USH2A: variants seen among roughly 807,000 people sequenced by gnomAD.
USH2A encodes the protein Usher syndrome 2A (autosomal recessive, mild).
In USH2A, 443 loss-of-function variants were observed where a neutral mutation model predicts 538.9. The ratio of observed to expected loss-of-function variants is 0.82; its 90% CI spans 0.76 to 0.89. USH2A has a LOEUF of 0.89. Ranked by LOEUF, USH2A falls within the 40% of genes least tolerant of loss-of-function variation. The pLI is 0.00. For missense variants in USH2A, 6,633 were observed against 6,324.8 expected, an observed-to-expected ratio of 1.05 and a Z score of -1.65; for synonymous variants, 2,413 against 2,273.5, an observed-to-expected ratio of 1.06 and a Z score of -1.75.
intron 64 of USH2A, among the ~76,000 whole-genome samples, chr1:215,653,700 A>G (rs1657151369): frequency 6.6e-6 from 1 of 152,190 alleles, no homozygotes; most frequent in Admixed American, 6.5e-5. Context: ...GCTGAGGTAA[A>G]AACGTTCTTT....
At chr1:216,011,252 T>C (rs183429047) in intron 32 of USH2A, among the ~76,000 whole-genome samples, 142 of 151,716 alleles carry the variant, frequency 9.4e-4, no homozygotes, top group Middle Eastern at 6.8e-3. Flanking sequence ...GGATCTCAAA[T>C]ATGCTTTCTT....
intron 4 of USH2A, among the ~76,000 whole-genome samples, chr1:216,337,938 A>G (rs2038004333): frequency 1.3e-5 from 2 of 151,330 alleles, no homozygotes; most frequent in Non-Finnish European, 3.0e-5. Flanking sequence ...GATACCTAGG[A>G]ATAAATTTTA....
chr1:215,735,552 C>T (rs375475805), intron 60 of USH2A, among the ~76,000 whole-genome samples: 3 of 151,946 alleles, frequency 2.0e-5, no homozygotes, highest in Admixed American at 6.6e-5. Context: ...CTTTACTAGA[C>T]CATATGATGT....
chr1:216,381,154 G>A (rs755698521), intron 3 of USH2A, among the ~76,000 whole-genome samples: 2 of 152,068 alleles, frequency 1.3e-5, no homozygotes, highest in South Asian at 2.1e-4. Context: ...ATTGAGATAC[G>A]TACACAAAGA....
intron 11 of USH2A, among the ~76,000 whole-genome samples, chr1:216,267,292 T>G (rs1046461218): frequency 6.6e-6 from 1 of 152,076 alleles, no homozygotes; most frequent in Admixed American, 6.6e-5. Flanking sequence ...CAGAGGTCCT[T>G]GGAGACCTTA....
rs535481515 is a variant in USH2A at position 215,907,827 on chromosome 1, G to A, written c.7301-6922C>T. Among the ~76,000 whole-genome samples, 12 of 152,138 alleles carry A rather than the reference G, an allele frequency of 7.9e-5. No homozygotes were observed. In the East Asian group the frequency reaches 2.1e-3, roughly 27 times the overall value. On this transcript the variant is annotated intron_variant, in intron 38 of 71. Transcript: ENST00000307340. Reference sequence around the variant, plus strand: ...AGGAAAGATCCTATAAAAACTGGATGAATGGATGGATGAATCAATGGTTGG... The same window carrying A: ...AGGAAAGATCCTATAAAAACTGGATAAATGGATGGATGAATCAATGGTTGG...
intron 38 of USH2A, among the ~76,000 whole-genome samples, chr1:215,912,465 A>ATATATATATATATACGTATATATATATG (rs1665815792): frequency 8.4e-5 from 1 of 11,946 alleles, no homozygotes; most frequent in African/African-American, 2.5e-4. Context: ...ATATATATAT[A>ATATATATATATATACGTATATATATATG]TATATATATA....
At chr1:216,209,611 A>T (rs933567286) in intron 15 of USH2A, among the ~76,000 whole-genome samples, 1 of 152,222 alleles carries the variant, frequency 6.6e-6, no homozygotes, top group Non-Finnish European at 1.5e-5. Flanking sequence ...ATTTTAAGAC[A>T]GGATTTCAAG....
rs192566390 is a variant in USH2A at position 216,025,188 on chromosome 1, T to C, written c.6325+21243A>G. On this transcript the variant is annotated intron_variant, in intron 32 of 71. Transcript: ENST00000307340. The stretch of plus-strand genomic sequence containing the variant: ...ATAGTAAGTCACATATGAAAGTAAA[T>C]TGTGAGAGTATTAATAAAATATAAA... Among the ~76,000 whole-genome samples, 265 of 151,968 alleles carry C rather than the reference T, an allele frequency of 1.7e-3. 1 individual carries two copies. The highest frequency in any genetic ancestry group is 3.1e-3 in the Non-Finnish European group (208 of 67,814).
At chr1:216,087,763 T>G (rs549090630) in intron 23 of USH2A, among the ~76,000 whole-genome samples, 62 of 152,304 alleles carry the variant, frequency 4.1e-4, no homozygotes, top group African/African-American at 1.5e-3. Flanking sequence ...CTTCTTATTA[T>G]ATCTTCAATT....
At chr1:216,024,673 A>C (rs10449314) in intron 32 of USH2A, among the ~76,000 whole-genome samples, 92,981 of 151,712 alleles carry the variant, frequency 0.61, 28,842 homozygotes, top group East Asian at 0.75. Flanking sequence ...TTCATTTATT[A>C]ATTCCATAAG....
chr1:216,017,461 CTG>C (rs1668742080), intron 32 of USH2A, among the ~76,000 whole-genome samples: 1 of 152,164 alleles, frequency 6.6e-6, no homozygotes, highest in Admixed American at 6.6e-5. Context: ...TCTTGCAAAA[CTG>C]GAGGTTTTTC....
At chr1:215,806,170 C>G (rs1168550066) in intron 49 of USH2A, among the ~76,000 whole-genome samples, 1 of 151,942 alleles carries the variant, frequency 6.6e-6, no homozygotes, top group Non-Finnish European at 1.5e-5. Context: ...TTCCATTATC[C>G]CTTTCTAGGA....
At position 216,160,864 on chromosome 1, in the gene USH2A, T is replaced by C. The variant is rs148344788; in HGVS notation, c.4627+14388A>G. ...GGATTTATATCTTCAACTATGAGGA[T>C]ATATTTATTCTCTGTTTATTTCTGT... On this transcript the variant is annotated intron_variant, in intron 21 of 71. Coordinates refer to ENST00000307340, the MANE Select transcript of USH2A (RefSeq NM_206933.4). Among the ~76,000 whole-genome samples, 198 of 152,230 alleles carry C rather than the reference T, an allele frequency of 1.3e-3. 1 individual carries two copies. The East Asian group carries it at 0.019, about 15-fold the overall frequency.
intron 32 of USH2A, among the ~76,000 whole-genome samples, chr1:216,041,860 A>C (rs563592681): frequency 6.6e-6 from 1 of 152,132 alleles, no homozygotes; most frequent in African/African-American, 2.4e-5. Flanking sequence ...TTTTTTGTAA[A>C]ATAATCAAAT....
At chr1:216,145,343 G>A (rs2033675389) in intron 21 of USH2A, among the ~76,000 whole-genome samples, 1 of 152,142 alleles carries the variant, frequency 6.6e-6, no homozygotes. Context: ...GTCTCTCCTT[G>A]GGGGATCCAG....
At chr1:216,121,095 G>C (rs2033129481) in intron 21 of USH2A, among the ~76,000 whole-genome samples, 1 of 152,126 alleles carries the variant, frequency 6.6e-6, no homozygotes, top group African/African-American at 2.4e-5. Context: ...TGTAACTTCT[G>C]AATAAGTAGG....
At chr1:215,661,237 C>T (rs964984626) in intron 64 of USH2A, among the ~76,000 whole-genome samples, 1 of 152,142 alleles carries the variant, frequency 6.6e-6, no homozygotes, top group Non-Finnish European at 1.5e-5. Context: ...TTGGTCTGTA[C>T]TCTGGAATGC....
intron 4 of USH2A, among the ~76,000 whole-genome samples, chr1:216,328,909 A>G (rs556312045): frequency 4.6e-5 from 7 of 152,214 alleles, no homozygotes; most frequent in Middle Eastern, 3.4e-3. Context: ...AAAATATTAC[A>G]TATAAAAATA....
Sources: allele counts gnomAD v4.1 joint callset (sites outside exome capture counted in the v4.1 genomes callset), GRCh38; gene constraint gnomAD v4.1.1; transcripts MANE v1.5; gene names NCBI Gene and HGNC (gene_info 2026-07-23, HGNC 2026-07-21).